Variants in FOXJ3 observed in about 807,000 individuals in gnomAD.
FOXJ3 encodes the protein forkhead box J3.
In FOXJ3, 22 loss-of-function variants were observed where a neutral mutation model predicts 76.1. The observed-to-expected ratio is 0.29, with a 90% confidence interval of 0.21 to 0.41. The LOEUF is 0.41. FOXJ3 is among the 10% of genes least tolerant of loss of function. The probability of loss-of-function intolerance (pLI) is 1.00; values close to 1 mark genes in which losing one functional copy is unlikely to be tolerated. For missense variants in FOXJ3, 613 were observed against 762.1 expected, an observed-to-expected ratio of 0.80 and a Z score of 2.30; for synonymous variants, 269 against 261.2, an observed-to-expected ratio of 1.03 and a Z score of -0.29.
intron 4 of FOXJ3, among the ~76,000 whole-genome samples, chr1:42,260,940 G>T (rs1015483239): frequency 2.0e-5 from 3 of 152,100 alleles, no homozygotes; most frequent in African/African-American, 7.2e-5. Flanking sequence ...AGTTCTATTA[G>T]AGCCCACTGC....
rs1557622787 is a variant in FOXJ3, at chr1:42,191,323, T to TGTGGGG, written c.1325_1330dup (p.Pro442_Pro443dup). On this transcript the variant is annotated inframe_insertion, in exon 9 of 13. Coordinates refer to ENST00000361346, the MANE Select transcript of FOXJ3 (RefSeq NM_014947.5). The stretch of plus-strand genomic sequence containing the variant: ...CTTACCAGAATTACAGGATACCTGT[T>TGTGGGG]GTGGGGGTGGGGGTGCCTGATGTGT... The TGTGGGG allele has an allele frequency of 6.5e-7, 1 of 1,546,666 alleles. No homozygotes were observed. Among genetic ancestry groups the TGTGGGG allele is most frequent in the South Asian group, 1.2e-5 (1 of 81,002 alleles).
rs541249981 is a variant in FOXJ3 at position 42,252,831 on chromosome 1, C to G, written c.444+12284G>C. Among the ~76,000 whole-genome samples the G allele has an allele frequency of 5.3e-5, 8 of 151,638 alleles. No individual in the cohort carries two copies. The South Asian group carries it at 1.3e-3, about 24-fold the overall frequency. On this transcript the variant is annotated intron_variant, in intron 4 of 12. Transcript: ENST00000361346. ...CATATCTCAAAATAATAAGAGCTGT[C>G]TATGACAAACCCACAGCCAGTATCA...
At chr1:42,212,971 A>C (rs1274647818) in intron 5 of FOXJ3, among the ~76,000 whole-genome samples, 3 of 139,690 alleles carry the variant, frequency 2.1e-5, no homozygotes, top group Admixed American at 2.1e-4. Flanking sequence ...AAAAAAAAAA[A>C]CAAAAAAAAA....
At chr1:42,269,325 T>C (rs1486453315) in intron 3 of FOXJ3, among the ~76,000 whole-genome samples, 3 of 152,110 alleles carry the variant, frequency 2.0e-5, no homozygotes, top group South Asian at 4.1e-4. Flanking sequence ...CAAATCAAGA[T>C]GGTCAGAAGA....
chr1:42,206,003 T>A (rs1248320733), intron 5 of FOXJ3, 140 bp from the exon 6 acceptor site: 2 of 589,120 alleles, frequency 3.4e-6, no homozygotes, highest in Admixed American at 3.3e-5. Context: ...ACTAGTGAAA[T>A]CTCTTCTACT....
At chr1:42,307,848 T>C (rs1223711269) in intron 2 of FOXJ3, among the ~76,000 whole-genome samples, 1 of 152,226 alleles carries the variant, frequency 6.6e-6, no homozygotes, top group Non-Finnish European at 1.5e-5. Flanking sequence ...CTACAATATG[T>C]ACTACTTTTT....
chr1:42,182,773 T>C (rs1040003182), intron 11 of FOXJ3, among the ~76,000 whole-genome samples: 10 of 151,792 alleles, frequency 6.6e-5, no homozygotes, highest in Non-Finnish European at 1.0e-4. Flanking sequence ...GCTGGGATTA[T>C]AGGCATGAGC....
At chr1:42,248,459 G>A (rs537663952) in intron 4 of FOXJ3, among the ~76,000 whole-genome samples, 18 of 151,900 alleles carry the variant, frequency 1.2e-4, no homozygotes, top group Admixed American at 5.9e-4. Flanking sequence ...GCGTGAACCC[G>A]GGAGGCGGAG....
At chr1:42,197,891 G>A (rs1047432095) in intron 7 of FOXJ3, among the ~76,000 whole-genome samples, 3 of 151,962 alleles carry the variant, frequency 2.0e-5, no homozygotes, top group African/African-American at 7.3e-5. Flanking sequence ...TCTTGCCTCA[G>A]CCTCCCAAAG....
At chr1:42,251,514 T>C (rs1650045558) in intron 4 of FOXJ3, among the ~76,000 whole-genome samples, 1 of 152,074 alleles carries the variant, frequency 6.6e-6, no homozygotes, top group Admixed American at 6.6e-5. Flanking sequence ...CATGAAGAGT[T>C]GTTGAATTTT....
chr1:42,262,903 A>G (rs576222209), intron 4 of FOXJ3, among the ~76,000 whole-genome samples: 2 of 152,190 alleles, frequency 1.3e-5, no homozygotes, highest in Non-Finnish European at 2.9e-5. Context: ...TTGAGACTGA[A>G]AAGAAAAATT....
At chr1:42,221,796 A>G (rs1336755591) in intron 5 of FOXJ3, among the ~76,000 whole-genome samples, 2 of 150,198 alleles carry the variant, frequency 1.3e-5, no homozygotes, top group African/African-American at 4.9e-5. Context: ...TGCAAGCCCA[A>G]ATTAAAAAGC....
At chr1:42,266,761 G>A (rs1651494899) in intron 3 of FOXJ3, among the ~76,000 whole-genome samples, 1 of 152,062 alleles carries the variant, frequency 6.6e-6, no homozygotes, top group African/African-American at 2.4e-5. Flanking sequence ...AGGAGACAAA[G>A]CCCACCAACC....
chr1:42,205,602 C>T (rs1425994393), intron 6 of FOXJ3, among the ~76,000 whole-genome samples, 160 bp downstream of exon 6: 1 of 152,130 alleles, frequency 6.6e-6, no homozygotes, highest in African/African-American at 2.4e-5. Context: ...TTGTGCATAC[C>T]TCAAAACATT....
intron 3 of FOXJ3, among the ~76,000 whole-genome samples, chr1:42,274,989 G>A (rs1468636881): frequency 6.6e-6 from 1 of 152,188 alleles, no homozygotes; most frequent in African/African-American, 2.4e-5. Context: ...GGCTGGAATG[G>A]CGAGAAGTAT....
intron 3 of FOXJ3, among the ~76,000 whole-genome samples, chr1:42,276,416 T>C (rs1210198227): frequency 6.6e-6 from 1 of 152,088 alleles, no homozygotes; most frequent in Non-Finnish European, 1.5e-5. Flanking sequence ...GCTACCGTTA[T>C]AACCTACCAA....
intron 4 of FOXJ3, among the ~76,000 whole-genome samples, chr1:42,254,786 G>A (rs1361251646): frequency 1.4e-5 from 2 of 147,738 alleles, no homozygotes; most frequent in Non-Finnish European, 3.0e-5. Context: ...GACACAGGAA[G>A]GGGAACATCA....
At chr1:42,192,673 T>C (rs1646573075) in intron 8 of FOXJ3, among the ~76,000 whole-genome samples, 1 of 152,194 alleles carries the variant, frequency 6.6e-6, no homozygotes, top group Admixed American at 6.5e-5. Flanking sequence ...CTGCAACATT[T>C]GGTTCTATGT....
intron 7 of FOXJ3, among the ~76,000 whole-genome samples, chr1:42,197,359 G>C (rs1372788538): frequency 6.6e-6 from 1 of 152,014 alleles, no homozygotes; most frequent in African/African-American, 2.4e-5. Flanking sequence ...GAGAAAAAAA[G>C]GGGGGGAGGT....
Sources: allele counts gnomAD v4.1 joint callset (sites outside exome capture counted in the v4.1 genomes callset), GRCh38; gene constraint gnomAD v4.1.1; transcripts MANE v1.5; gene names NCBI Gene and HGNC (gene_info 2026-07-23, HGNC 2026-07-21).